The following AWAT1 variants were observed in gnomAD, a reference collection of about 807,000 sequenced individuals.
The protein encoded by AWAT1 is acyl-CoA wax alcohol acyltransferase 1.
A neutral mutation model predicts 21.6 loss-of-function variants in AWAT1; 26 were observed. That is an observed-to-expected ratio of 1.20 (90% CI 0.88 to 1.67). The LOEUF (loss-of-function observed/expected upper bound fraction) is 1.67. Among genes scored for constraint, AWAT1 ranks in the 40% most tolerant of loss-of-function variants. The pLI is 0.00. For synonymous variants in AWAT1, 102 were observed against 99.3 expected (o/e 1.03, Z -0.16); for missense variants, 264 against 249.4 (o/e 1.06, Z -0.39).
intron 4 of AWAT1, among the ~76,000 whole-genome samples, chrX:70,237,748 T>C (rs892088992): frequency 5.8e-5 from 6 of 102,864 alleles, no homozygotes; most frequent in African/African-American, 2.2e-4. Context: ...AGGAGAATCG[T>C]TTGAACCCAG....
At chrX:70,234,875 C>A in intron 1 of AWAT1, 104 bp downstream of exon 1, 1 of 718,055 alleles carries the variant, frequency 1.4e-6, no homozygotes, top group Non-Finnish European at 2.1e-6. Flanking sequence ...TTGAGCCTTT[C>A]CATCATCTAA....
intron 4 of AWAT1, among the ~76,000 whole-genome samples, chrX:70,237,788 C>T (rs1247558124): frequency 1.2e-5 from 1 of 83,050 alleles, no homozygotes; most frequent in Non-Finnish European, 2.2e-5. Flanking sequence ...GCCGAGATCA[C>T]AGCATTGAAC....
intron 4 of AWAT1, among the ~76,000 whole-genome samples, chrX:70,237,485 T>C (rs1220743528): frequency 9.2e-6 from 1 of 109,272 alleles, no homozygotes; most frequent in Non-Finnish European, 1.9e-5. Flanking sequence ...CAGATGAAAA[T>C]AGTCTGACAT....
At chrX:70,236,336 C>T (rs968352178) in intron 3 of AWAT1, among the ~76,000 whole-genome samples, 197 bp downstream of exon 3, 2 of 112,043 alleles carry the variant, frequency 1.8e-5, no homozygotes, top group African/African-American at 6.5e-5. Flanking sequence ...TTGGCATCAC[C>T]TGCCAGCTGA....
chrX:70,238,674 C>T (rs1481074463), intron 5 of AWAT1, among the ~76,000 whole-genome samples: 1 of 112,268 alleles, frequency 8.9e-6, no homozygotes, highest in Non-Finnish European at 1.9e-5. Context: ...ATGGTAAGTG[C>T]ATGGGGCAGT....
intron 3 of AWAT1, 46 bp downstream of exon 3, chrX:70,236,185 G>T: frequency 9.5e-7 from 1 of 1,054,810 alleles, no homozygotes; most frequent in South Asian, 1.9e-5. Context: ...AAAATACTGG[G>T]TAGGCATTTA....
In AWAT1 at chrX:70,239,832, T is replaced by C. The variant is rs2085530365; in HGVS notation, c.730T>C (p.Phe244Leu). 11 of 1,209,277 alleles carry C rather than the reference T, an allele frequency of 9.1e-6. No homozygotes were observed. The highest frequency in any genetic ancestry group is 1.2e-5 in the Non-Finnish European group (11 of 893,300). ...CAGGATGTACAAGTTCCAGAGCTGCTTCCGCCGTATCTTTGGTTTCTACTG... is the reference window on the plus strand; with the variant it reads ...CAGGATGTACAAGTTCCAGAGCTGCCTCCGCCGTATCTTTGGTTTCTACTG... The part of the protein sequence containing the change: ...DSRMYKFQSC[F>L]RRIFGFYCCV... Residue 244 changes from phenylalanine to leucine, a missense_variant, in exon 6 of 7, where the codon TTC (phenylalanine) becomes CTC (leucine). By Grantham distance (22) the Phe-to-Leu change is conservative. Coordinates refer to ENST00000374521, the MANE Select transcript of AWAT1 (RefSeq NM_001013579.3).
chrX:70,240,133 C>T lies in AWAT1; in HGVS notation c.833-3C>T, dbSNP rs2085532214. The T allele has an allele frequency of 8.3e-7, 1 of 1,208,057 alleles. No individual in the cohort carries two copies. Among genetic ancestry groups the T allele is most frequent in the Admixed American group, 2.2e-5 (1 of 45,534 alleles). On this transcript the variant is annotated splice_region_variant and splice_polypyrimidine_tract_variant and intron_variant, in intron 6 of 6. Coordinates refer to ENST00000374521, the MANE Select transcript of AWAT1 (RefSeq NM_001013579.3). ...TCTTCTCTTTTCCGATCTCTCTTGG[C>T]AGTTGGGGAGCCTCTGCCACTGCCC...
chrX:70,235,657 C>A, intron 1 of AWAT1, 59 bp from the exon 2 acceptor site: 1 of 854,767 alleles, frequency 1.2e-6, no homozygotes, highest in Non-Finnish European at 1.8e-6. Flanking sequence ...GGTGATGGGA[C>A]TGGGCATGGT....
chrX:70,239,866 T>C lies in AWAT1; in HGVS notation c.764T>C (p.Phe255Ser). The C allele has an allele frequency of 1.2e-5, 14 of 1,210,790 alleles. No homozygotes were observed. Among genetic ancestry groups the C allele is most frequent in the Non-Finnish European group, 1.6e-5 (14 of 894,952 alleles). ...RRIFGFYCCV[F>S]YGQSFCQGST... is the part of the protein sequence containing the mutation. ...ATCTTTGGTTTCTACTGTTGTGTCT[T>C]CTATGGACAAAGCTTCTGTCAAGGC... The change falls in exon 6 of 7, where the codon TTC becomes TCC. Residue 255 changes from phenylalanine (F) to serine (S), a missense_variant. Phe to Ser is a radical substitution (Grantham distance 155). Coordinates refer to ENST00000374521, the MANE Select transcript of AWAT1 (RefSeq NM_001013579.3).
Position 70,235,939 on chromosome X carries a change from A to G in AWAT1, c.184+116A>G, listed in dbSNP as rs1366101638. On this transcript the variant is annotated intron_variant, in intron 2 of 6. Transcript: ENST00000374521. ...TTCTCAGAGCCACAGGAGCTCGGCCAAACAGGACCATCCTAGGGTCTCCTC... is the reference window on the plus strand; with the variant it reads ...TTCTCAGAGCCACAGGAGCTCGGCCGAACAGGACCATCCTAGGGTCTCCTC... 2.1e-5 allele frequency: 19 copies of G among 905,968 alleles called. No homozygotes were observed. The African/African-American group carries it at 2.4e-4, about 11-fold the overall frequency. The allele number at this position is 905,968 out of a possible 1,213,427, so 74.7% of individuals were successfully genotyped here. A position where few individuals can be genotyped will look rare whatever the true frequency, so the allele number is the denominator to read the frequency against.
At position 70,236,144 on chromosome X, in the gene AWAT1, G is replaced by A. The variant is rs375457191; in HGVS notation, c.255+5G>A. ...AGGGACTATTTCCCCATTACGGTAA[G>A]TATCTCTTCCCCAGTGTCCTCAGAG... is the stretch of plus-strand genomic sequence containing the variant. On this transcript the variant is annotated splice_donor_5th_base_variant and intron_variant, in intron 3 of 6. Coordinates refer to ENST00000374521, the MANE Select transcript of AWAT1 (RefSeq NM_001013579.3). 2.2e-5 allele frequency: 26 copies of A among 1,198,513 alleles called. No homozygotes were observed. The African/African-American group carries it at 3.7e-4, about 17-fold the overall frequency.
chrX:70,240,520 C>CA lies in AWAT1; in HGVS notation c.*230_*231insA. 1 of 381,674 alleles carries CA rather than the reference C, an allele frequency of 2.6e-6. No homozygotes were observed. The highest frequency in any genetic ancestry group is 4.5e-6 in the Non-Finnish European group (1 of 220,975). 31.5% of individuals were successfully genotyped at this position (381,674 alleles called of 1,213,427 possible). The stretch of plus-strand genomic sequence containing the variant: ...CATCCTAGTGCCCCTCATGCTGGGG[C>CA]CTGATGCCTGGTCATCATTTGAGTC... On this transcript the variant is annotated 3_prime_UTR_variant, in exon 7 of 7. Coordinates refer to ENST00000374521, the MANE Select transcript of AWAT1 (RefSeq NM_001013579.3).
intron 4 of AWAT1, 90 bp downstream of exon 4, chrX:70,237,338 C>T (rs1385749793): frequency 1.1e-5 from 9 of 816,409 alleles, no homozygotes; most frequent in Admixed American, 2.8e-5. Flanking sequence ...TCCCCCCACC[C>T]GCCCCCATGT....
intron 5 of AWAT1, 55 bp downstream of exon 5, chrX:70,238,438 T>G: frequency 9.3e-7 from 1 of 1,078,856 alleles, no homozygotes; most frequent in African/African-American, 1.8e-5. Flanking sequence ...AGCATGACCC[T>G]GTCGGTGAGG....
At chrX:70,239,655 C>T in intron 5 of AWAT1, 80 bp from the exon 6 acceptor site, 2 of 912,203 alleles carry the variant, frequency 2.2e-6, no homozygotes, top group South Asian at 4.0e-5. Flanking sequence ...AGATGAGGGC[C>T]TGGCAAGCAA....
At position 70,240,470 on chromosome X, in the gene AWAT1, C is replaced by T; in HGVS notation, c.*180C>T. On this transcript the variant is annotated 3_prime_UTR_variant, in exon 7 of 7. Coordinates refer to ENST00000374521, the MANE Select transcript of AWAT1 (RefSeq NM_001013579.3). The stretch of plus-strand genomic sequence containing the variant: ...TACAGGAATTCTTTCTGAAGAGCTG[C>T]ACACAGTCATTCCTCAAAGGAGGGC... 2.1e-6 allele frequency: 1 copy of T among 479,920 alleles called. No individual in the cohort carries two copies. Among genetic ancestry groups the T allele is most frequent in the South Asian group, 4.4e-5 (1 of 22,502 alleles). The allele number at this position is 479,920 out of a possible 1,213,427, so 39.6% of individuals were successfully genotyped here.
At position 70,240,276 on chromosome X, in the gene AWAT1, C is replaced by T. The variant is rs1461671949; in HGVS notation, c.973C>T (p.Leu325=). The T allele has an allele frequency of 8.3e-7, 1 of 1,210,463 alleles. No individual in the cohort carries two copies. The highest frequency in any genetic ancestry group is 2.2e-5 in the Admixed American group (1 of 45,885). Residue 325 remains leucine (L), a synonymous_variant, in exon 7 of 7, where the codon CTG becomes TTG. Coordinates refer to ENST00000374521, the MANE Select transcript of AWAT1 (RefSeq NM_001013579.3). ...CTATGGCTGCTCAGAGACCCAAAAG[C>T]TGTTTTTCCTGTGAATGAAGGTACT... is the stretch of plus-strand genomic sequence containing the variant. The part of the protein sequence containing the change: ...THYGCSETQK[L]FFL
chrX:70,240,324 G>C lies in AWAT1; in HGVS notation c.*34G>C, dbSNP rs781334571. On this transcript the variant is annotated 3_prime_UTR_variant, in exon 7 of 7. Coordinates refer to ENST00000374521, the MANE Select transcript of AWAT1 (RefSeq NM_001013579.3). ...ACTGCATGCCCAGGAGCACAGGAGT[G>C]CCTGCCTTGAAGAAGAGACTCATCT... 3.4e-6 allele frequency: 4 copies of C among 1,189,969 alleles called. No homozygotes were observed. The Admixed American group carries it at 9.0e-5, about 27-fold the overall frequency.
Sources: allele counts gnomAD v4.1 joint callset (sites outside exome capture counted in the v4.1 genomes callset), GRCh38; gene constraint gnomAD v4.1.1; transcripts MANE v1.5; gene names NCBI Gene and HGNC (gene_info 2026-07-23, HGNC 2026-07-21).